Variants in CD164 observed in about 807,000 individuals in gnomAD.
The protein encoded by CD164 is CD164 molecule.
CD164 carries 11 observed loss-of-function variants against 24.6 expected under a neutral mutation model. That is an observed-to-expected ratio of 0.45 (90% CI 0.28 to 0.74). The LOEUF is 0.74. CD164 is among the 30% of genes least tolerant of loss of function. The probability of loss-of-function intolerance (pLI) is 0.13; values close to 1 mark genes in which losing one functional copy is unlikely to be tolerated. For missense variants in CD164, 295 were observed against 243.7 expected (o/e 1.21, Z -1.40); for synonymous variants, 126 against 100.3 (o/e 1.26, Z -1.53).
Position 109,368,735 on chromosome 6 carries a change from G to C in CD164, c.*116C>G. The C allele has an allele frequency of 1.4e-6, 2 of 1,441,748 alleles. No individual in the cohort carries two copies. Among genetic ancestry groups the C allele is most frequent in the Non-Finnish European group, 1.8e-6 (2 of 1,101,354 alleles). 89.3% of individuals were successfully genotyped at this position (1,441,748 alleles called of 1,614,324 possible). ...CCCAAACATCCTATATGCATCCATG[G>C]AAATTTAAAGATCCTGGAATAGCGT... On this transcript the variant is annotated 3_prime_UTR_variant, in exon 6 of 6. Transcript: ENST00000310786.
At chr6:109,381,551 A>G in intron 1 of CD164, 2 of 702,574 alleles carry the variant, frequency 2.8e-6, no homozygotes. Flanking sequence ...CGGTACATAC[A>G]TGGGTACTTT....
chr6:109,373,193 A>G (rs2115151573), intron 4 of CD164, among the ~76,000 whole-genome samples: 1 of 152,344 alleles, frequency 6.6e-6, no homozygotes, highest in African/African-American at 2.4e-5. Flanking sequence ...AACAAGAGCT[A>G]AAATTGTATT....
At chr6:109,369,787 A>G (rs1770976661) in intron 5 of CD164, among the ~76,000 whole-genome samples, 1 of 152,192 alleles carries the variant, frequency 6.6e-6, no homozygotes, top group South Asian at 2.1e-4. Flanking sequence ...GAAGAAAAAG[A>G]AATCACAAAA....
At chr6:109,373,182 T>C (rs1771188713) in intron 4 of CD164, among the ~76,000 whole-genome samples, 2 of 152,176 alleles carry the variant, frequency 1.3e-5, no homozygotes, top group East Asian at 3.8e-4. Flanking sequence ...GGCATGTATA[T>C]AACAAGAGCT....
At chr6:109,376,908 G>A (rs1771440533) in intron 3 of CD164, among the ~76,000 whole-genome samples, 1 of 152,166 alleles carries the variant, frequency 6.6e-6, no homozygotes, top group African/African-American at 2.4e-5. Flanking sequence ...AGCCAAAGTG[G>A]GAAGACTGCT....
At chr6:109,372,906 T>C (rs1285876755) in intron 4 of CD164, 1 of 152,168 alleles carries the variant, frequency 6.6e-6, no homozygotes, top group Non-Finnish European at 1.5e-5. Flanking sequence ...TTTTAATAAG[T>C]AGGCAAAATA....
At chr6:109,379,155 C>T (rs1024680731) in intron 2 of CD164, among the ~76,000 whole-genome samples, 2 of 152,182 alleles carry the variant, frequency 1.3e-5, no homozygotes, top group African/African-American at 4.8e-5. Flanking sequence ...CAGTTTTCAA[C>T]ACAACCTTCA....
chr6:109,372,322 T>C (rs1771125714), intron 4 of CD164: 1 of 152,202 alleles, frequency 6.6e-6, no homozygotes, highest in African/African-American at 2.4e-5. Context: ...AGTAGATCTT[T>C]AAAGACCAGG....
intron 2 of CD164, 31 bp downstream of exon 2, chr6:109,379,548 A>G (rs1386861749): frequency 1.4e-6 from 2 of 1,471,752 alleles, no homozygotes; most frequent in Non-Finnish European, 1.9e-6. Context: ...ATGCTATAAC[A>G]AAACAGTTTT....
chr6:109,376,723 T>A (rs2115161983), intron 3 of CD164, among the ~76,000 whole-genome samples: 1 of 152,346 alleles, frequency 6.6e-6, no homozygotes, highest in South Asian at 2.1e-4. Flanking sequence ...TTCCTTTAAA[T>A]CAGTTTTCAA....
At chr6:109,370,290 A>G (rs1771005101) in intron 5 of CD164, 121 bp downstream of exon 5, 2 of 755,924 alleles carry the variant, frequency 2.6e-6, no homozygotes, top group Non-Finnish European at 4.6e-6. Flanking sequence ...CCTAAGAGTA[A>G]GAGAAGAATT....
In CD164 at chr6:109,368,011, C is replaced by T. The variant is rs750710370; in HGVS notation, c.*840G>A. On this transcript the variant is annotated 3_prime_UTR_variant, in exon 6 of 6. Transcript: ENST00000310786. ...TACGAAGGCTTTCAATTCTGTATAACAGACTTTAGCTTAAGTTTCTCCGCT... is the reference window on the plus strand; with the variant it reads ...TACGAAGGCTTTCAATTCTGTATAATAGACTTTAGCTTAAGTTTCTCCGCT... 6.8e-5 allele frequency: 19 copies of T among 278,894 alleles called. No individual in the cohort carries two copies. Among genetic ancestry groups the T allele is most frequent in the Admixed American group, 1.6e-4 (3 of 18,656 alleles). 17.3% of individuals were successfully genotyped at this position (278,894 alleles called of 1,614,324 possible).
intron 1 of CD164, 43 bp downstream of exon 1, chr6:109,382,161 G>C (rs956636262): frequency 1.4e-6 from 2 of 1,443,894 alleles, no homozygotes; most frequent in African/African-American, 2.9e-5. Flanking sequence ...GTGCGGCTCG[G>C]CTGGGCAGGG....
Position 109,376,108 on chromosome 6 carries a change from G to A in CD164, c.336C>T (p.Ser112=). Residue 112 remains serine, a synonymous_variant, in exon 4 of 6, where the codon TCC becomes TCT. Transcript: ENST00000310786. Reference sequence around the variant, plus strand: ...TGGCTGTTGGCACTGGAGTGGCCGTGGAAACTATTAAAAAAAGAAAAAAGA... The same window carrying A: ...TGGCTGTTGGCACTGGAGTGGCCGTAGAAACTATTAAAAAAAGAAAAAAGA... ...VGNTTDFCSV[S]TATPVPTANS... is the part of the protein sequence containing the mutation. 1.9e-6 allele frequency: 3 copies of A among 1,560,416 alleles called. No homozygotes were observed. Among genetic ancestry groups the A allele is most frequent in the South Asian group, 1.2e-5 (1 of 81,396 alleles).
In CD164 at chr6:109,376,103, G is replaced by A; in HGVS notation, c.341C>T (p.Ala114Val). The change falls in exon 4 of 6, where the codon GCC (alanine) becomes GTC (valine). Residue 114 changes from alanine to valine, a missense_variant. Transcript: ENST00000310786. The part of the protein sequence containing the change: ...NTTDFCSVST[A>V]TPVPTANSTA... ...AGAATTGGCTGTTGGCACTGGAGTG[G>A]CCGTGGAAACTATTAAAAAAAGAAA... 1 of 1,565,426 alleles carries A rather than the reference G, an allele frequency of 6.4e-7. No homozygotes were observed. Among genetic ancestry groups the A allele is most frequent in the South Asian group, 1.2e-5 (1 of 81,988 alleles).
chr6:109,373,821 T>C (rs997457083), intron 4 of CD164, among the ~76,000 whole-genome samples: 2 of 152,244 alleles, frequency 1.3e-5, no homozygotes, highest in Non-Finnish European at 2.9e-5. Flanking sequence ...TTTGTATCAT[T>C]TGCAGACTTC....
At position 109,370,410 on chromosome 6, in the gene CD164, C is replaced by T; in HGVS notation, c.427+1G>A. 1 of 1,610,610 alleles carries T rather than the reference C, an allele frequency of 6.2e-7. No individual in the cohort carries two copies. The highest frequency in any genetic ancestry group is 1.1e-5 in the South Asian group (1 of 90,966). ...TTGCTAATCTAAAAAGCCTCAATTA[C>T]CTGATGTAGTAACTGTCTTGGAAGT... On this transcript the variant is annotated splice_donor_variant, in intron 5 of 5. Transcript: ENST00000310786. LOFTEE classifies it high-confidence loss of function.
chr6:109,378,631 T>C (rs1353644989), intron 2 of CD164, among the ~76,000 whole-genome samples: 5 of 152,112 alleles, frequency 3.3e-5, no homozygotes, highest in Admixed American at 1.3e-4. Flanking sequence ...GGGAGAACCT[T>C]TCCCAACAAA....
intron 3 of CD164, among the ~76,000 whole-genome samples, 199 bp from the exon 4 acceptor site, chr6:109,376,311 T>G (rs1234132679): frequency 6.6e-6 from 1 of 152,194 alleles, no homozygotes; most frequent in Non-Finnish European, 1.5e-5. Flanking sequence ...CCAATTTTTA[T>G]CAACACCTCC....
Sources: gnomAD v4.1 joint callset for allele counts (sites outside exome capture counted in the v4.1 genomes callset) on GRCh38, gnomAD v4.1.1 for gene constraint, MANE v1.5 for transcripts, NCBI Gene and HGNC (gene_info 2026-07-23, HGNC 2026-07-21) for gene names.